The following UQCC1 variants were observed in gnomAD, a reference collection of about 807,000 sequenced individuals.
The protein encoded by UQCC1 is bFGF-repressed Zic-binding protein.
In UQCC1, 38 loss-of-function variants were observed where a neutral mutation model predicts 48.0. The ratio of observed to expected loss-of-function variants is 0.79; its 90% CI spans 0.61 to 1.04. The LOEUF is 1.04. Ranked by LOEUF, UQCC1 falls within the 50% of genes least tolerant of loss-of-function variation. The pLI is 0.00. For synonymous variants in UQCC1, 111 were observed against 129.2 expected (o/e 0.86, Z 0.95); for missense variants, 368 against 381.8 (o/e 0.96, Z 0.30).
intron 8 of UQCC1, among the ~76,000 whole-genome samples, chr20:35,307,280 A>G (rs2060940392): frequency 6.6e-6 from 1 of 152,162 alleles, no homozygotes. Context: ...CCTTGGGGGA[A>G]GGGAGCCAGC....
At chr20:35,347,377 C>A in intron 6 of UQCC1, 105 bp from the exon 7 acceptor site, 2 of 1,356,202 alleles carry the variant, frequency 1.5e-6, no homozygotes, top group Non-Finnish European at 2.1e-6. Context: ...CAAAGGGCAC[C>A]AAATCAAACT....
intron 1 of UQCC1, chr20:35,409,582 A>G (rs1793513203): frequency 6.2e-6 from 1 of 160,466 alleles, no homozygotes; most frequent in South Asian, 1.8e-4. Flanking sequence ...ACTATTTCCA[A>G]AGAAAAGCAG....
At chr20:35,354,444 T>A (rs2061523151) in intron 6 of UQCC1, among the ~76,000 whole-genome samples, 1 of 149,986 alleles carries the variant, frequency 6.7e-6, no homozygotes, top group African/African-American at 2.5e-5. Flanking sequence ...TCGCCCAGGC[T>A]GGAGTGCACT....
chr20:35,388,253 A>G (rs2061969986), intron 2 of UQCC1, among the ~76,000 whole-genome samples: 1 of 149,998 alleles, frequency 6.7e-6, no homozygotes, highest in Admixed American at 6.7e-5. Flanking sequence ...AAGTGCTGGT[A>G]TTACAGGCAT....
At chr20:35,387,081 A>C (rs1228126374) in intron 2 of UQCC1, among the ~76,000 whole-genome samples, 2 of 152,006 alleles carry the variant, frequency 1.3e-5, no homozygotes, top group African/African-American at 4.8e-5. Context: ...GTTAGAGACC[A>C]GCCTGGGCAA....
chr20:35,369,703 G>C (rs1424430326), intron 5 of UQCC1, among the ~76,000 whole-genome samples: 4 of 152,118 alleles, frequency 2.6e-5, no homozygotes, highest in Non-Finnish European at 5.9e-5. Flanking sequence ...AATGAGATAA[G>C]GCCTATAAAA....
chr20:35,318,254 G>C (rs886337687), intron 7 of UQCC1, among the ~76,000 whole-genome samples: 1 of 152,178 alleles, frequency 6.6e-6, no homozygotes, highest in Non-Finnish European at 1.5e-5. Context: ...CTTGAGGAAA[G>C]GGTGAACTGA....
At chr20:35,335,784 T>G (rs981538888) in intron 7 of UQCC1, among the ~76,000 whole-genome samples, 16 of 152,190 alleles carry the variant, frequency 1.1e-4, no homozygotes, top group African/African-American at 3.1e-4. Flanking sequence ...AAAGCAAATT[T>G]ACATGTTATG....
At chr20:35,307,404 G>A in intron 8 of UQCC1, among the ~76,000 whole-genome samples, 1 of 152,242 alleles carries the variant, frequency 6.6e-6, no homozygotes, top group East Asian at 1.9e-4. Flanking sequence ...GCTTGCATGT[G>A]TGTGTGTGCC....
At chr20:35,304,907 G>T (rs1457025874) in intron 9 of UQCC1, among the ~76,000 whole-genome samples, 3 of 152,114 alleles carry the variant, frequency 2.0e-5, no homozygotes, top group Non-Finnish European at 4.4e-5. Context: ...CACCTGCCCT[G>T]CCATCTCTTC....
chr20:35,407,254 C>A (rs983926911), intron 1 of UQCC1, among the ~76,000 whole-genome samples: 3 of 151,922 alleles, frequency 2.0e-5, no homozygotes, highest in African/African-American at 7.3e-5. Context: ...ATGGGAAAAC[C>A]CCCTCTCTAT....
intron 6 of UQCC1, among the ~76,000 whole-genome samples, chr20:35,353,041 AG>A (rs1175721685): frequency 6.6e-6 from 1 of 152,202 alleles, no homozygotes; most frequent in Non-Finnish European, 1.5e-5. Context: ...AACAGAAAAA[AG>A]GTTACAGAAT....
intron 2 of UQCC1, 48 bp downstream of exon 2, chr20:35,394,044 C>T (rs183803030): frequency 6.7e-4 from 1,037 of 1,552,746 alleles, no homozygotes; most frequent in Non-Finnish European, 8.8e-4. Flanking sequence ...GACATTTGCA[C>T]ATAAACACTA....
intron 8 of UQCC1, 28 bp from the exon 9 acceptor site, chr20:35,306,807 C>T (rs761532916): frequency 6.5e-6 from 10 of 1,549,800 alleles, no homozygotes; most frequent in Non-Finnish European, 4.5e-6. Flanking sequence ...GCAGTGGTCT[C>T]CTGAGGGATC....
At position 35,382,009 on chromosome 20, in the gene UQCC1, T is replaced by C. The variant is rs1216667890; in HGVS notation, c.242A>G (p.Asp81Gly). The change falls in exon 4 of 10, where the codon GAT becomes GGT. Residue 81 changes from aspartate to glycine, a missense_variant. By Grantham distance (94) the Asp-to-Gly change is moderately conservative (BLOSUM62 -1). Transcript: ENST00000374385. ...HTTRKLSTTK[D>G]SPQPVEEKVG... ...CTTCTCCTCAACAGGCTGTGGGGAATCTTTGGTAGTAGAAAGCTGATTAAC... is the reference window on the plus strand; with the variant it reads ...CTTCTCCTCAACAGGCTGTGGGGAACCTTTGGTAGTAGAAAGCTGATTAAC... The C allele has an allele frequency of 6.3e-7, 1 of 1,599,432 alleles. No homozygotes were observed.
intron 4 of UQCC1, among the ~76,000 whole-genome samples, chr20:35,379,566 G>A (rs996946536): frequency 6.6e-6 from 1 of 152,188 alleles, no homozygotes; most frequent in African/African-American, 2.4e-5. Context: ...CACTTTGGGA[G>A]GCCAAGGCAG....
At position 35,303,814 on chromosome 20, in the gene UQCC1, T is replaced by C; in HGVS notation, c.*121A>G. The C allele has an allele frequency of 7.3e-7, 1 of 1,363,740 alleles. No homozygotes were observed. The allele number at this position is 1,363,740 out of a possible 1,614,324, so 84.5% of individuals were successfully genotyped here. On this transcript the variant is annotated 3_prime_UTR_variant, in exon 10 of 10. Transcript: ENST00000374385. ...ACTCAACACAAATGGGGCCAGGTAT[T>C]TGACAGATGCTGTTCAGAGGTCAGT...
At chr20:35,363,372 A>G (rs1185558220) in intron 6 of UQCC1, among the ~76,000 whole-genome samples, 1 of 152,184 alleles carries the variant, frequency 6.6e-6, no homozygotes. Context: ...GCATTTTTTC[A>G]GCAGCCACAG....
intron 7 of UQCC1, among the ~76,000 whole-genome samples, chr20:35,331,209 G>A (rs1427737596): frequency 2.0e-5 from 3 of 152,122 alleles, no homozygotes; most frequent in Non-Finnish European, 4.4e-5. Context: ...CATACCACAA[G>A]CCAGCTGATT....
Sources: gnomAD v4.1 joint callset for allele counts (sites outside exome capture counted in the v4.1 genomes callset) on GRCh38, gnomAD v4.1.1 for gene constraint, MANE v1.5 for transcripts, NCBI Gene and HGNC (gene_info 2026-07-23, HGNC 2026-07-21) for gene names.